The following SYNE1 variants were observed in gnomAD, a reference collection of about 807,000 sequenced individuals.
SYNE1 encodes the protein nesprin-1.
A neutral mutation model predicts 1,111.0 loss-of-function variants in SYNE1; 616 were observed. The ratio of observed to expected loss-of-function variants is 0.55; its 90% CI spans 0.52 to 0.59. The LOEUF (loss-of-function observed/expected upper bound fraction) is 0.59, where lower values mean the gene tolerates loss of function less well. Among genes scored for constraint, SYNE1 ranks in the 20% least tolerant of loss-of-function variants. SYNE1 has a pLI of 0.00. For missense variants in SYNE1, 10,006 were observed against 10,417.0 expected (o/e 0.96, Z 1.72); for synonymous variants, 3,855 against 3,825.8 (o/e 1.01, Z -0.28).
intron 45 of SYNE1, among the ~76,000 whole-genome samples, chr6:152,405,653 G>A (rs550842019): frequency 2.6e-4 from 40 of 152,218 alleles, no homozygotes; most frequent in African/African-American, 9.4e-4. Context: ...TTTAACAATT[G>A]ACTTTTGCAA....
intron 128 of SYNE1, among the ~76,000 whole-genome samples, chr6:152,186,574 A>G (rs1416403627): frequency 1.4e-5 from 2 of 143,846 alleles, no homozygotes; most frequent in Non-Finnish European, 3.1e-5. Context: ...AAAAAAAAAA[A>G]AAAAAAAAAA....
chr6:152,528,246 T>C (rs1564653889), intron 4 of SYNE1, among the ~76,000 whole-genome samples: 1 of 152,174 alleles, frequency 6.6e-6, no homozygotes, highest in Non-Finnish European at 1.5e-5. Flanking sequence ...TCTCCTAAAC[T>C]TTGTCAAACA....
chr6:152,352,195 G>C lies in SYNE1; in HGVS notation c.11412C>G (p.Val3804=), dbSNP rs777170937. ...TTTCCAGCGTCATGTGTTCTTTCCG[G>C]ACAGTGCTGGTCAGTTCCTTCAACT... ...MEQLKELTST[V]RKEHMTLEKG... is the part of the protein sequence containing the mutation. Residue 3804 remains valine (V), a synonymous_variant, in exon 70 of 146, where the codon GTC becomes GTG. Coordinates refer to ENST00000367255, the MANE Select transcript of SYNE1 (RefSeq NM_182961.4). 6.2e-7 allele frequency: 1 copy of C among 1,614,022 alleles called. No individual in the cohort carries two copies. The highest frequency in any genetic ancestry group is 2.2e-5 in the East Asian group (1 of 44,866).
At chr6:152,370,662 G>A (rs1328238240) in intron 59 of SYNE1, among the ~76,000 whole-genome samples, 1 of 152,154 alleles carries the variant, frequency 6.6e-6, no homozygotes, top group African/African-American at 2.4e-5. Flanking sequence ...GGACGTGAAT[G>A]TGAATTTGTT....
At chr6:152,623,488 A>G (rs2099679870) in intron 3 of SYNE1, among the ~76,000 whole-genome samples, 1 of 152,170 alleles carries the variant, frequency 6.6e-6, no homozygotes, top group East Asian at 1.9e-4. Context: ...TGAAGATGCC[A>G]AAAGCAACTG....
intron 10 of SYNE1, among the ~76,000 whole-genome samples, chr6:152,502,369 A>G (rs1416923463): frequency 6.6e-6 from 1 of 152,194 alleles, no homozygotes; most frequent in Non-Finnish European, 1.5e-5. Flanking sequence ...GGAGTTCCCA[A>G]CACTGCTATC....
Position 152,416,524 on chromosome 6 carries a change from A to G in SYNE1, c.5913T>C (p.Ser1971=), listed in dbSNP as rs1467689689. Residue 1971 remains serine, a synonymous_variant, in exon 41 of 146, where the codon AGT becomes AGC. Coordinates refer to ENST00000367255, the MANE Select transcript of SYNE1 (RefSeq NM_182961.4). ...TCAACACTGCCAGAGCATCTGCCTC[A>G]CTCTGCTTGGTTCCCAGAAGGTTCT... ...RIQNLLGTKQ[S]EADALAVLKK... is the part of the protein sequence containing the mutation. 8 of 1,613,442 alleles carry G rather than the reference A, an allele frequency of 5.0e-6. No homozygotes were observed. The highest frequency in any genetic ancestry group is 6.8e-6 in the Non-Finnish European group (8 of 1,179,894).
chr6:152,133,678 A>G (rs2152722749), intron 142 of SYNE1, 190 bp from the exon 143 acceptor site: 1 of 626,988 alleles, frequency 1.6e-6, no homozygotes. Flanking sequence ...AAAATATTCT[A>G]TAAGACCCCT....
chr6:152,472,071 G>T (rs185879197), intron 15 of SYNE1: 152 of 602,018 alleles, frequency 2.5e-4, no homozygotes, highest in African/African-American at 1.9e-3. Context: ...AGCCTCTGAA[G>T]AAACCATTTC....
intron 10 of SYNE1, among the ~76,000 whole-genome samples, chr6:152,502,004 A>G (rs2099032385): frequency 1.3e-5 from 2 of 152,178 alleles, no homozygotes; most frequent in Non-Finnish European, 2.9e-5. Context: ...ACATCAACAT[A>G]TTAATTTTTC....
intron 3 of SYNE1, among the ~76,000 whole-genome samples, chr6:152,614,010 T>G (rs1255869613): frequency 6.6e-6 from 1 of 152,210 alleles, no homozygotes; most frequent in African/African-American, 2.4e-5. Context: ...GACTTAAATG[T>G]TAGACTTAAA....
At chr6:152,156,226 A>G (rs780822359) in intron 131 of SYNE1, 129 bp from the exon 132 acceptor site, 3 of 984,294 alleles carry the variant, frequency 3.0e-6, no homozygotes, top group Non-Finnish European at 4.7e-6. Flanking sequence ...AATGTATGAC[A>G]TTTATTGAGC....
chr6:152,159,946 T>C (rs1338714326), intron 131 of SYNE1, among the ~76,000 whole-genome samples: 11 of 152,224 alleles, frequency 7.2e-5, no homozygotes, highest in Non-Finnish European at 2.9e-5. Flanking sequence ...ATAATCACTG[T>C]TCTCATGATT....
chr6:152,135,220 T>C lies in SYNE1; in HGVS notation c.25672A>G (p.Met8558Val). 2 of 1,614,096 alleles carry C rather than the reference T, an allele frequency of 1.2e-6. No individual in the cohort carries two copies. Among genetic ancestry groups the C allele is most frequent in the Non-Finnish European group, 1.7e-6 (2 of 1,179,986 alleles). The change falls in exon 142 of 146, where the codon ATG (methionine) becomes GTG (valine). Residue 8558 changes from methionine (M) to valine (V), a missense_variant. By Grantham distance (21) the Met-to-Val change is conservative. Coordinates refer to ENST00000367255, the MANE Select transcript of SYNE1 (RefSeq NM_182961.4). ...ALMQCQGFHE[M>V]SHGLLLMLEN... The stretch of plus-strand genomic sequence containing the variant: ...AGCATAAGAAGCAAACCATGGCTCA[T>C]TTCATGGAAACCCTACAGAAAACAG...
Position 152,330,908 on chromosome 6 carries a change from T to A in SYNE1, c.13777A>T (p.Asn4593Tyr). The change falls in exon 78 of 146, where the codon AAT (asparagine) becomes TAT (tyrosine). Residue 4593 changes from asparagine (N) to tyrosine (Y), a missense_variant. Transcript: ENST00000367255. ...IVTFPEINLM[N>Y]ESSELHTQLA... ...TGTGTATGAAGCTCAGAACTCTCATTCATTAGGTTGATTTCAGGAAATGTA... is the reference window on the plus strand; with the variant it reads ...TGTGTATGAAGCTCAGAACTCTCATACATTAGGTTGATTTCAGGAAATGTA... 6.2e-7 allele frequency: 1 copy of A among 1,614,110 alleles called. No individual in the cohort carries two copies. The highest frequency in any genetic ancestry group is 8.5e-7 in the Non-Finnish European group (1 of 1,179,944).
At chr6:152,495,192 C>T (rs1267255603) in intron 11 of SYNE1, among the ~76,000 whole-genome samples, 1 of 152,160 alleles carries the variant, frequency 6.6e-6, no homozygotes, top group Non-Finnish European at 1.5e-5. Flanking sequence ...GGGAGTTCGC[C>T]CCTGCCCAGG....
At position 152,447,550 on chromosome 6, in the gene SYNE1, C is replaced by G; in HGVS notation, c.3577G>C (p.Glu1193Gln). 1 of 1,614,218 alleles carries G rather than the reference C, an allele frequency of 6.2e-7. No individual in the cohort carries two copies. Among genetic ancestry groups the G allele is most frequent in the Non-Finnish European group, 8.5e-7 (1 of 1,180,038 alleles). Residue 1193 changes from glutamate (E) to glutamine (Q), a missense_variant, in exon 29 of 146, where the codon GAA becomes CAA. By Grantham distance (29) the Glu-to-Gln change is conservative (BLOSUM62 2). Around this residue, in one of 7 missense-constraint regions of SYNE1, gnomAD observed 1,971 missense variants for 2,084.1 expected, o/e 0.95. Coordinates refer to ENST00000367255, the MANE Select transcript of SYNE1 (RefSeq NM_182961.4). ...TGGGCTTCATTCTCAGAAGAAACTT[C>G]TGTCAAAACTTTCAGCCTGGATTTC... Reference protein sequence around the residue: ...WLKSRLKVLTEVSSENEAQKQ... With the variant: ...WLKSRLKVLTQVSSENEAQKQ...
chr6:152,489,755 T>G (rs1299726246), intron 11 of SYNE1, among the ~76,000 whole-genome samples: 1 of 152,082 alleles, frequency 6.6e-6, no homozygotes, highest in African/African-American at 2.4e-5. Context: ...AACCCAGAAG[T>G]CTGAGTGAGG....
chr6:152,391,513 C>G lies in SYNE1; in HGVS notation c.7768G>C (p.Gly2590Arg). The change falls in exon 52 of 146, where the codon GGT becomes CGT. Residue 2590 changes from glycine to arginine, a missense_variant. By Grantham distance (125) the Gly-to-Arg change is moderately radical. This residue lies in a region of SYNE1 where 4,955 missense variants were observed against 5,017.2 expected (regional missense o/e 0.99). Transcript: ENST00000367255. ...RGQLLSEEGH[G>R]AGQEGRLCSQ... ...CACAGGCGGCCCTCCTGCCCAGCACCGTGGCCTTCTTCACTCAGAAGCTGC... is the reference window on the plus strand; with the variant it reads ...CACAGGCGGCCCTCCTGCCCAGCACGGTGGCCTTCTTCACTCAGAAGCTGC... 1 of 1,604,658 alleles carries G rather than the reference C, an allele frequency of 6.2e-7. No individual in the cohort carries two copies. Among genetic ancestry groups the G allele is most frequent in the African/African-American group, 1.4e-5 (1 of 73,574 alleles).
Sources: allele counts gnomAD v4.1 joint callset (sites outside exome capture counted in the v4.1 genomes callset), GRCh38; gene constraint gnomAD v4.1.1; regional missense constraint gnomAD v4.1.1; transcripts MANE v1.5; gene names NCBI Gene and HGNC (gene_info 2026-07-23, HGNC 2026-07-21).